Variants in TMEM108 observed in about 807,000 individuals in gnomAD.
TMEM108 encodes cancer/testis antigen 124.
A neutral mutation model predicts 35.1 loss-of-function variants in TMEM108; 12 were observed. The ratio of observed to expected loss-of-function variants is 0.34; its 90% CI spans 0.22 to 0.55. The LOEUF (loss-of-function observed/expected upper bound fraction) is 0.55, where lower values mean the gene tolerates loss of function less well. Ranked by LOEUF, TMEM108 falls within the 20% of genes least tolerant of loss-of-function variation. The probability of loss-of-function intolerance (pLI) is 0.89; values close to 1 mark genes in which losing one functional copy is unlikely to be tolerated. For synonymous variants in TMEM108, 287 were observed against 308.6 expected, an observed-to-expected ratio of 0.93 and a Z score of 0.73; for missense variants, 680 against 753.3, an observed-to-expected ratio of 0.90 and a Z score of 1.14.
chr3:133,277,112 T>C (rs945624219), intron 3 of TMEM108, among the ~76,000 whole-genome samples: 6 of 151,864 alleles, frequency 4.0e-5, no homozygotes, highest in African/African-American at 1.5e-4. Flanking sequence ...TGTTCTTAGA[T>C]CGAACTCTGG....
chr3:133,189,034 C>T (rs1945461944), intron 2 of TMEM108, among the ~76,000 whole-genome samples: 10 of 152,190 alleles, frequency 6.6e-5, no homozygotes, highest in Admixed American at 6.5e-4. Flanking sequence ...CATGGCCCCA[C>T]CTAACTGCAA....
chr3:133,132,086 A>G (rs564652495), intron 2 of TMEM108, among the ~76,000 whole-genome samples: 71 of 152,308 alleles, frequency 4.7e-4, no homozygotes, highest in African/African-American at 1.6e-3. Flanking sequence ...TTCATTAGGT[A>G]AGAGGAAAGA....
chr3:133,378,643 A>G lies in TMEM108; in HGVS notation c.41-1109A>G, dbSNP rs1559939496. ...AACCCATGTGTTGTCAACGGCTCCT[A>G]CATGTCATGCTTGCATGAGGTACCA... On this transcript the variant is annotated intron_variant, in intron 3 of 5. Coordinates refer to ENST00000321871, the MANE Select transcript of TMEM108 (RefSeq NM_023943.4). The G allele has an allele frequency of 4.9e-6, 3 of 616,442 alleles. No individual in the cohort carries two copies. The East Asian group carries it at 4.2e-4, about 86-fold the overall frequency. 38.2% of individuals were successfully genotyped at this position (616,442 alleles called of 1,614,324 possible).
At chr3:133,051,850 G>A (rs1027976281) in intron 2 of TMEM108, among the ~76,000 whole-genome samples, 3 of 152,006 alleles carry the variant, frequency 2.0e-5, no homozygotes, top group African/African-American at 7.2e-5. Flanking sequence ...CTGTTCTATT[G>A]GTCTATAGGT....
intron 3 of TMEM108, among the ~76,000 whole-genome samples, chr3:133,364,611 C>T (rs1355116902): frequency 6.6e-6 from 1 of 152,010 alleles, no homozygotes; most frequent in South Asian, 2.1e-4. Context: ...GTGACCAGAA[C>T]CTGGAAGGAG....
At chr3:133,393,379 C>T (rs1169426053) in intron 5 of TMEM108, among the ~76,000 whole-genome samples, 1 of 152,188 alleles carries the variant, frequency 6.6e-6, no homozygotes, top group Admixed American at 6.5e-5. Context: ...TCTGGCTGTC[C>T]TGCTGCCTGA....
intron 4 of TMEM108, chr3:133,388,680 C>T: frequency 2.0e-6 from 2 of 985,446 alleles, no homozygotes; most frequent in East Asian, 2.3e-4. Context: ...GAAACTTACC[C>T]TATCTCCTAA....
At chr3:133,297,768 G>T (rs139180681) in intron 3 of TMEM108, among the ~76,000 whole-genome samples, 2 of 152,260 alleles carry the variant, frequency 1.3e-5, no homozygotes, top group East Asian at 3.9e-4. Flanking sequence ...CACAGAGGGC[G>T]CACACTGCTG....
intron 2 of TMEM108, among the ~76,000 whole-genome samples, chr3:133,088,413 G>T (rs763679970): frequency 6.6e-6 from 1 of 152,294 alleles, no homozygotes; most frequent in South Asian, 2.1e-4. Flanking sequence ...GAGTGAAAGT[G>T]ATATAACATT....
chr3:133,209,454 C>G (rs1026480609), intron 2 of TMEM108, among the ~76,000 whole-genome samples: 4 of 152,098 alleles, frequency 2.6e-5, no homozygotes, highest in Non-Finnish European at 5.9e-5. Context: ...AAGATAGTCT[C>G]TCTCCATGCC....
At chr3:133,319,669 G>A (rs1293078535) in intron 3 of TMEM108, among the ~76,000 whole-genome samples, 1 of 152,196 alleles carries the variant, frequency 6.6e-6, no homozygotes, top group Admixed American at 6.5e-5. Context: ...CGGTATCCAT[G>A]TTTGGGAGAC....
chr3:133,099,553 C>T (rs184647379), intron 2 of TMEM108, among the ~76,000 whole-genome samples: 145 of 152,240 alleles, frequency 9.5e-4, no homozygotes, highest in African/African-American at 3.2e-3. Flanking sequence ...TTTTATGCTC[C>T]GTTTCCCTTT....
intron 2 of TMEM108, among the ~76,000 whole-genome samples, chr3:133,142,404 T>C (rs1412819541): frequency 6.6e-6 from 1 of 152,082 alleles, no homozygotes; most frequent in East Asian, 1.9e-4. Context: ...ATTCAGCATA[T>C]TTAGGGGAGA....
intron 2 of TMEM108, among the ~76,000 whole-genome samples, chr3:133,157,714 A>G (rs1190827836): frequency 6.6e-6 from 1 of 152,144 alleles, no homozygotes; most frequent in Admixed American, 6.5e-5. Flanking sequence ...CTTTATATTA[A>G]ACTCTTATCT....
intron 3 of TMEM108, among the ~76,000 whole-genome samples, chr3:133,329,028 C>G (rs2071363512): frequency 6.6e-6 from 1 of 151,848 alleles, no homozygotes; most frequent in African/African-American, 2.4e-5. Context: ...CCAACCCCTG[C>G]AGGCTGCCTA....
At chr3:133,316,605 A>T (rs1576451881) in intron 3 of TMEM108, among the ~76,000 whole-genome samples, 1 of 152,254 alleles carries the variant, frequency 6.6e-6, no homozygotes, top group East Asian at 1.9e-4. Flanking sequence ...TTAAAAACAC[A>T]TATAAACATC....
chr3:133,229,362 A>C lies in TMEM108; in HGVS notation c.40+11A>C, dbSNP rs766191030. On this transcript the variant is annotated intron_variant, in intron 3 of 5. Transcript: ENST00000321871. ...ATTGCCAACTGTTAAGTAAGTTGAC[A>C]CTGTATTTCTTCTTTCCTAAAATAT... 46 of 1,612,658 alleles carry C rather than the reference A, an allele frequency of 2.9e-5. No homozygotes were observed. The South Asian group carries it at 5.1e-4, about 18-fold the overall frequency.
chr3:133,280,995 C>G (rs937597779), intron 3 of TMEM108, among the ~76,000 whole-genome samples: 2 of 152,098 alleles, frequency 1.3e-5, no homozygotes, highest in African/African-American at 4.8e-5. Flanking sequence ...TTCTGTTGAC[C>G]AAAGCAAGTC....
chr3:133,357,354 T>C (rs192508261), intron 3 of TMEM108, among the ~76,000 whole-genome samples: 1 of 152,172 alleles, frequency 6.6e-6, no homozygotes, highest in Admixed American at 6.6e-5. Flanking sequence ...AAAACCACTA[T>C]GGAAAACAGT....
Sources: allele counts gnomAD v4.1 joint callset (sites outside exome capture counted in the v4.1 genomes callset), GRCh38; gene constraint gnomAD v4.1.1; transcripts MANE v1.5; gene names NCBI Gene and HGNC (gene_info 2026-07-23, HGNC 2026-07-21).